C2CD3: variants seen among roughly 807,000 people sequenced by gnomAD.
The protein encoded by C2CD3 is C2 domain containing 3 centriole elongation regulator.
In C2CD3, 148 loss-of-function variants were observed where a neutral mutation model predicts 234.0. The observed-to-expected ratio is 0.63, with a 90% CI of 0.55 to 0.72. C2CD3 has a LOEUF of 0.72. Ranked by LOEUF, C2CD3 falls within the 30% of genes least tolerant of loss-of-function variation. The probability of loss-of-function intolerance (pLI) is 0.00; values close to 1 mark genes in which losing one functional copy is unlikely to be tolerated. For synonymous variants in C2CD3, 1,000 were observed against 1,035.4 expected (o/e 0.97, Z 0.66); for missense variants, 2,577 against 2,811.5 (o/e 0.92, Z 1.89).
At position 74,012,751 on chromosome 11, in the gene C2CD3, G is replaced by C. The variant is rs1325622674; in HGVS notation, c.*634C>G. On this transcript the variant is annotated 3_prime_UTR_variant, in exon 33 of 33. Transcript: ENST00000334126. ...ACCAATATGATTTTATTCAAACACA[G>C]GCAAGAACAATGACCTTCAGAGCTG... The C allele has an allele frequency of 6.6e-6, 1 of 152,134 alleles. No homozygotes were observed. The highest frequency in any genetic ancestry group is 1.5e-5 in the Non-Finnish European group (1 of 68,038). 9.4% of individuals were successfully genotyped at this position (152,134 alleles called of 1,614,324 possible).
chr11:74,084,492 T>G (rs2135474107), intron 22 of C2CD3, among the ~76,000 whole-genome samples: 1 of 151,470 alleles, frequency 6.6e-6, no homozygotes, highest in South Asian at 2.1e-4. Context: ...GCCAGGCTGG[T>G]CTCGAACTCC....
intron 32 of C2CD3, among the ~76,000 whole-genome samples, chr11:74,015,859 G>A (rs1591250652): frequency 6.7e-6 from 1 of 150,286 alleles, no homozygotes; most frequent in African/African-American, 2.5e-5. Context: ...ATGAGTCTAG[G>A]AGTTTGTGAC....
intron 16 of C2CD3, among the ~76,000 whole-genome samples, chr11:74,097,182 A>C (rs1956144763): frequency 6.6e-6 from 1 of 152,150 alleles, no homozygotes; most frequent in Admixed American, 6.5e-5. Context: ...AATAACTAAG[A>C]AAAATGTGGA....
intron 30 of C2CD3, chr11:74,036,350 T>C: frequency 2.3e-6 from 1 of 434,214 alleles, no homozygotes; most frequent in South Asian, 1.6e-5. Context: ...CACCACTGTA[T>C]CTTCCTGGGA....
intron 32 of C2CD3, among the ~76,000 whole-genome samples, chr11:74,026,077 T>G (rs1952281270): frequency 6.6e-6 from 1 of 152,086 alleles, no homozygotes; most frequent in Admixed American, 6.5e-5. Flanking sequence ...TCTCCTCCCC[T>G]ACGAGAGGAT....
chr11:74,090,063 A>T (rs1306752706), intron 20 of C2CD3, among the ~76,000 whole-genome samples: 2 of 152,142 alleles, frequency 1.3e-5, no homozygotes, highest in Non-Finnish European at 2.9e-5. Context: ...CTTGAGAGGA[A>T]AATATGCTTG....
At chr11:74,071,465 CT>C (rs1954788545) in intron 24 of C2CD3, among the ~76,000 whole-genome samples, 1 of 152,230 alleles carries the variant, frequency 6.6e-6, no homozygotes, top group African/African-American at 2.4e-5. Flanking sequence ...CCCATTGTCT[CT>C]TTGAGTATAG....
chr11:74,028,510 T>C (rs1952397290), intron 31 of C2CD3, 112 bp from the exon 32 acceptor site: 3 of 681,448 alleles, frequency 4.4e-6, no homozygotes, highest in Non-Finnish European at 7.3e-6. Flanking sequence ...TTCCCTCAAC[T>C]ATTCTTGTCC....
intron 24 of C2CD3, among the ~76,000 whole-genome samples, chr11:74,063,122 A>T (rs574192516): frequency 6.6e-6 from 1 of 152,236 alleles, no homozygotes; most frequent in Non-Finnish European, 1.5e-5. Flanking sequence ...AGGTTCTGAA[A>T]TTGAGGCAAT....
intron 31 of C2CD3, among the ~76,000 whole-genome samples, chr11:74,033,033 C>G (rs1952587478): frequency 1.3e-5 from 2 of 152,204 alleles, no homozygotes; most frequent in Admixed American, 1.3e-4. Context: ...GCTTCTCTTT[C>G]AACTGATAAA....
At chr11:74,135,441 G>GT (rs1011789814) in intron 5 of C2CD3, among the ~76,000 whole-genome samples, 6 of 152,060 alleles carry the variant, frequency 3.9e-5, no homozygotes, top group African/African-American at 1.2e-4. Context: ...ACTTGCAGAT[G>GT]TAATTAATGC....
chr11:74,084,777 T>A, intron 22 of C2CD3, 104 bp downstream of exon 22: 1 of 718,380 alleles, frequency 1.4e-6, no homozygotes, highest in Non-Finnish European at 2.5e-6. Context: ...TAAGGGGTTG[T>A]GTTTTCTTTT....
Position 74,074,539 on chromosome 11 carries a change from A to G in C2CD3, c.4665T>C (p.His1555=), listed in dbSNP as rs1459258004. The change falls in exon 24 of 33, where the codon CAT becomes CAC. Residue 1555 remains histidine (H), a synonymous_variant. Coordinates refer to ENST00000334126, the MANE Select transcript of C2CD3 (RefSeq NM_001286577.2). ...GTGAGGAAAGAGAGGAAAGAACCAC[A>G]TGAACTCGCAAGGCAGCTCCTGAGA... is the stretch of plus-strand genomic sequence containing the variant. ...SNLSGAALRV[H]VVLSSLSSHL... 3.1e-6 allele frequency: 5 copies of G among 1,614,088 alleles called. No homozygotes were observed. Among genetic ancestry groups the G allele is most frequent in the Admixed American group, 1.7e-5 (1 of 60,014 alleles).
chr11:74,078,184 A>G lies in C2CD3; in HGVS notation c.4534T>C (p.Trp1512Arg). Residue 1512 changes from tryptophan to arginine, a missense_variant, in exon 23 of 33, where the codon TGG becomes CGG. Transcript: ENST00000334126. ...AGGTCCACATAGGCTGAGCCAATCC[A>G]GCTGTCTGTCTGATGGGGTCTCTCC... ...SVERPHQTDS[W>R]IGSAYVDLAR... is the part of the protein sequence containing the mutation. The G allele has an allele frequency of 2.5e-6, 4 of 1,614,032 alleles. No homozygotes were observed. The highest frequency in any genetic ancestry group is 3.4e-6 in the Non-Finnish European group (4 of 1,180,002).
chr11:74,052,450 T>C (rs1048193085), intron 26 of C2CD3, among the ~76,000 whole-genome samples: 2 of 152,190 alleles, frequency 1.3e-5, no homozygotes, highest in Non-Finnish European at 2.9e-5. Context: ...ACATAGTTAT[T>C]ATAGTAAACA....
At chr11:74,048,993 T>C (rs1591332252) in intron 27 of C2CD3, among the ~76,000 whole-genome samples, 4 of 152,348 alleles carry the variant, frequency 2.6e-5, no homozygotes, top group Admixed American at 2.6e-4. Context: ...GAAAGACTAA[T>C]GATATCAATG....
chr11:74,155,449 T>C (rs1356696480), intron 3 of C2CD3, among the ~76,000 whole-genome samples: 1 of 152,204 alleles, frequency 6.6e-6, no homozygotes, highest in South Asian at 2.1e-4. Flanking sequence ...AGAACTTATA[T>C]ATGAATGCTA....
At chr11:74,129,169 G>A (rs570380135) in intron 7 of C2CD3, 67 of 176,964 alleles carry the variant, frequency 3.8e-4, no homozygotes, top group Non-Finnish European at 7.0e-4. Context: ...CTGGCCGGGC[G>A]GGGAGCTGAC....
In C2CD3 at chr11:74,054,406, AT is replaced by A. The variant is rs1004660681; in HGVS notation, c.5155+200del. On this transcript the variant is annotated intron_variant, in intron 26 of 32. Coordinates refer to ENST00000334126, the MANE Select transcript of C2CD3 (RefSeq NM_001286577.2). ...AGCAAGATCTTGTTCAAAAAAAAAA[AT>A]TTTTTTTTTCTTACAGGAGAATAAT... Among the ~76,000 whole-genome samples the A allele has an allele frequency of 1.9e-4, 29 of 149,456 alleles. No individual in the cohort carries two copies. In the East Asian group the frequency reaches 2.9e-3, roughly 15 times the overall value.
Sources: allele counts gnomAD v4.1 joint callset (sites outside exome capture counted in the v4.1 genomes callset), GRCh38; gene constraint gnomAD v4.1.1; transcripts MANE v1.5; gene names NCBI Gene and HGNC (gene_info 2026-07-23, HGNC 2026-07-21).